CADM1: variants seen among roughly 807,000 people sequenced by gnomAD.
CADM1 encodes TSLC-1.
A neutral mutation model predicts 53.1 loss-of-function variants in CADM1; 15 were observed. The ratio of observed to expected loss-of-function variants is 0.28; its 90% confidence interval spans 0.19 to 0.44. The LOEUF (loss-of-function observed/expected upper bound fraction) is 0.44, where lower values mean the gene tolerates loss of function less well. Ranked by LOEUF, CADM1 falls within the 20% of genes least tolerant of loss-of-function variation. The pLI is 1.00. For synonymous variants in CADM1, 281 were observed against 243.0 expected, an observed-to-expected ratio of 1.16 and a Z score of -1.45; for missense variants, 434 against 611.3, an observed-to-expected ratio of 0.71 and a Z score of 3.06.
At chr11:115,398,357 C>T (rs950243892) in intron 1 of CADM1, among the ~76,000 whole-genome samples, 1 of 152,208 alleles carries the variant, frequency 6.6e-6, no homozygotes, top group Non-Finnish European at 1.5e-5. Flanking sequence ...TAGAGAGGAA[C>T]ATTTCTTGTC....
chr11:115,352,143 A>G (rs1004265082), intron 1 of CADM1, among the ~76,000 whole-genome samples: 4 of 152,234 alleles, frequency 2.6e-5, no homozygotes. Context: ...AAAGCCCCCA[A>G]GTTACCATAA....
At chr11:115,403,353 C>T (rs1441960911) in intron 1 of CADM1, among the ~76,000 whole-genome samples, 1 of 152,164 alleles carries the variant, frequency 6.6e-6, no homozygotes, top group Non-Finnish European at 1.5e-5. Context: ...AATGTGTAAT[C>T]CTGAATCGAA....
At chr11:115,479,211 C>T (rs1056746154) in intron 1 of CADM1, among the ~76,000 whole-genome samples, 12 of 151,988 alleles carry the variant, frequency 7.9e-5, no homozygotes, top group Admixed American at 2.0e-4. Flanking sequence ...AAATTAATTG[C>T]ATAGGAATTA....
chr11:115,407,850 A>G (rs1285505472), intron 1 of CADM1, among the ~76,000 whole-genome samples: 1 of 141,104 alleles, frequency 7.1e-6, no homozygotes, highest in Non-Finnish European at 1.5e-5. Flanking sequence ...TGGGTGACAG[A>G]AGGAAAGTAA....
chr11:115,351,960 G>C (rs1341199769), intron 1 of CADM1, among the ~76,000 whole-genome samples: 1 of 152,180 alleles, frequency 6.6e-6, no homozygotes, highest in African/African-American at 2.4e-5. Context: ...CTGGACAGCA[G>C]GTCAGAGAAG....
At chr11:115,502,205 A>G (rs541762390) in intron 1 of CADM1, among the ~76,000 whole-genome samples, 1 of 152,260 alleles carries the variant, frequency 6.6e-6, no homozygotes, top group South Asian at 2.1e-4. Context: ...GGTGCCTTCA[A>G]TGAGCAGTCT....
Position 115,504,311 on chromosome 11 carries a change from AAGCCGG to A in CADM1, c.78_83del (p.Arg27_Leu28del), listed in dbSNP as rs147879356. 25,432 of 1,560,514 alleles carry A rather than the reference AAGCCGG, an allele frequency of 0.016. 243 individuals are homozygous for A. The highest frequency in any genetic ancestry group is 0.018 in the Non-Finnish European group (21,288 of 1,153,024). Reference sequence around the variant, plus strand: ...CCGCGGCGGAGAAGAGCAACAGCAGAAGCCGGAGCCGGAGCCCGGGAGGCGCCGCCG... The same window carrying A: ...CCGCGGCGGAGAAGAGCAACAGCAGAAGCCGGAGCCCGGGAGGCGCCGCCG... On this transcript the variant is annotated inframe_deletion, in exon 1 of 12. Coordinates refer to ENST00000331581, the MANE Select transcript of CADM1 (RefSeq NM_001301043.2).
At chr11:115,363,945 A>T (rs143332720) in intron 1 of CADM1, among the ~76,000 whole-genome samples, 2 of 152,152 alleles carry the variant, frequency 1.3e-5, no homozygotes, top group East Asian at 3.9e-4. Context: ...TTACAGTAAC[A>T]TGCTGTACAG....
intron 7 of CADM1, among the ~76,000 whole-genome samples, chr11:115,211,471 A>ATT (rs1940955074): frequency 1.2e-5 from 1 of 84,890 alleles, no homozygotes; most frequent in Admixed American, 1.4e-4. Flanking sequence ...CTATAATCCT[A>ATT]TTTCTTTTTT....
At chr11:115,397,447 A>G (rs1259368165) in intron 1 of CADM1, 1 of 152,134 alleles carries the variant, frequency 6.6e-6, no homozygotes, top group Non-Finnish European at 1.5e-5. Flanking sequence ...TGAAAAGTCT[A>G]TGTATCAAGA....
At chr11:115,396,128 G>A (rs540397268) in intron 1 of CADM1, among the ~76,000 whole-genome samples, 2 of 152,312 alleles carry the variant, frequency 1.3e-5, no homozygotes, top group South Asian at 2.1e-4. Context: ...TAATGCTAAC[G>A]TGCTATGAGC....
At chr11:115,420,130 ATTTC>A (rs928921467) in intron 1 of CADM1, among the ~76,000 whole-genome samples, 15 of 152,286 alleles carry the variant, frequency 9.8e-5, no homozygotes, top group African/African-American at 3.4e-4. Context: ...AAGCAGGCAT[ATTTC>A]TTAAGCTCCT....
At chr11:115,216,413 T>C (rs559222482) in intron 6 of CADM1, among the ~76,000 whole-genome samples, 3 of 152,338 alleles carry the variant, frequency 2.0e-5, no homozygotes, top group African/African-American at 7.2e-5. Flanking sequence ...AGCCATAGAC[T>C]GTAACTGTGG....
intron 5 of CADM1, among the ~76,000 whole-genome samples, chr11:115,223,958 T>TAA (rs71848250): frequency 1.9e-5 from 2 of 106,798 alleles, no homozygotes; most frequent in Non-Finnish European, 3.8e-5. Context: ...GTATTCCGTT[T>TAA]AAAAAAAAAA....
At chr11:115,364,188 T>C (rs896648685) in intron 1 of CADM1, among the ~76,000 whole-genome samples, 3 of 152,206 alleles carry the variant, frequency 2.0e-5, no homozygotes, top group Non-Finnish European at 4.4e-5. Context: ...TGTTCATTCT[T>C]ATTCTGTCTG....
At chr11:115,469,820 C>CGCCACCAT (rs1379560979) in intron 1 of CADM1, among the ~76,000 whole-genome samples, 1 of 152,002 alleles carries the variant, frequency 6.6e-6, no homozygotes, top group Non-Finnish European at 1.5e-5. Context: ...TACAGGCACC[C>CGCCACCAT]GCCACCATGC....
chr11:115,291,918 T>C (rs1431235688), intron 1 of CADM1, among the ~76,000 whole-genome samples: 2 of 152,224 alleles, frequency 1.3e-5, no homozygotes, highest in Non-Finnish European at 2.9e-5. Flanking sequence ...AAAATAATTC[T>C]GAGAGATTGC....
chr11:115,429,187 G>A (rs1275028789), intron 1 of CADM1, among the ~76,000 whole-genome samples: 1 of 151,868 alleles, frequency 6.6e-6, no homozygotes, highest in Non-Finnish European at 1.5e-5. Context: ...AAAGCAGAGA[G>A]CAAAGAAACA....
intron 1 of CADM1, among the ~76,000 whole-genome samples, chr11:115,310,212 A>G (rs149107768): frequency 1.5e-3 from 234 of 152,308 alleles, no homozygotes; most frequent in African/African-American, 5.4e-3. Flanking sequence ...AAATAGCCAG[A>G]AATAACAGAG....
Sources: allele counts gnomAD v4.1 joint callset (sites outside exome capture counted in the v4.1 genomes callset), GRCh38; gene constraint gnomAD v4.1.1; transcripts MANE v1.5; gene names NCBI Gene and HGNC (gene_info 2026-07-23, HGNC 2026-07-21).